Variants in TRHDE observed in about 807,000 individuals in gnomAD.
TRHDE encodes the protein thyrotropin releasing hormone degrading enzyme.
A neutral mutation model predicts 125.7 loss-of-function variants in TRHDE; 72 were observed. The observed-to-expected ratio is 0.57, with a 90% confidence interval of 0.47 to 0.70. The LOEUF is 0.70. TRHDE is among the 30% of genes least tolerant of loss of function. The pLI, the probability that TRHDE is intolerant of heterozygous loss-of-function variation, is 0.00. For synonymous variants in TRHDE, 509 were observed against 509.1 expected (o/e 1.00, Z 0.00); for missense variants, 1,110 against 1,327.1 (o/e 0.84, Z 2.54).
At chr12:72,187,658 C>T (rs1877254903) in intron 2 of TRHDE, among the ~76,000 whole-genome samples, 1 of 152,128 alleles carries the variant, frequency 6.6e-6, no homozygotes, top group South Asian at 2.1e-4. Context: ...CTTCTCTAGT[C>T]AGTATACTGA....
intron 10 of TRHDE, among the ~76,000 whole-genome samples, chr12:72,572,830 G>A (rs933819822): frequency 3.6e-4 from 55 of 151,950 alleles, no homozygotes; most frequent in Non-Finnish European, 6.9e-4. Flanking sequence ...TTAAAAACTA[G>A]ATTCAAGCAA....
At chr12:72,352,975 A>G (rs944421297) in intron 2 of TRHDE, among the ~76,000 whole-genome samples, 1 of 151,418 alleles carries the variant, frequency 6.6e-6, no homozygotes, top group African/African-American at 2.4e-5. Context: ...TTTTTAAAAA[A>G]GTAGTATGTG....
At chr12:72,657,579 G>A (rs11179307) in intron 18 of TRHDE, among the ~76,000 whole-genome samples, 22,050 of 152,144 alleles carry the variant, frequency 0.14, 2,182 homozygotes, top group East Asian at 0.54. Context: ...ACAATCACAA[G>A]TGAATTTTAT....
chr12:72,209,989 G>T (rs1028539203), intron 2 of TRHDE, among the ~76,000 whole-genome samples: 59 of 152,028 alleles, frequency 3.9e-4, no homozygotes, highest in Admixed American at 6.6e-5. Flanking sequence ...GCCTAAAAAA[G>T]AATAAATGAT....
At chr12:72,136,785 TTTTTTTATGGCATATG>T (rs1476551187) in intron 2 of TRHDE, among the ~76,000 whole-genome samples, 6 of 152,150 alleles carry the variant, frequency 3.9e-5, no homozygotes, top group Non-Finnish European at 8.8e-5. Flanking sequence ...CCAGCACCTG[TTTTTTTATGGCATATG>T]TTTTTTATGG....
intron 15 of TRHDE, among the ~76,000 whole-genome samples, chr12:72,631,087 T>G (rs1370874075): frequency 2.0e-5 from 3 of 151,318 alleles, no homozygotes; most frequent in Non-Finnish European, 4.4e-5. Context: ...GATATTATAT[T>G]TAATTTTCAT....
intron 6 of TRHDE, among the ~76,000 whole-genome samples, chr12:72,528,996 T>C (rs536221073): frequency 6.6e-6 from 1 of 152,216 alleles, no homozygotes; most frequent in East Asian, 1.9e-4. Context: ...TCATTAGATC[T>C]TCATTGTTTA....
intron 2 of TRHDE, among the ~76,000 whole-genome samples, chr12:72,251,290 C>T (rs1365030313): frequency 6.6e-6 from 1 of 152,008 alleles, no homozygotes; most frequent in African/African-American, 2.4e-5. Context: ...AAACTGCACT[C>T]TTCCGGCCCT....
At chr12:72,293,671 A>T (rs1007783644) in intron 2 of TRHDE, among the ~76,000 whole-genome samples, 6 of 152,154 alleles carry the variant, frequency 3.9e-5, no homozygotes, top group African/African-American at 1.2e-4. Flanking sequence ...GTCAATGATC[A>T]TTGCTGGTTA....
chr12:72,475,657 C>CTTTGTTCTT (rs1249617052), intron 5 of TRHDE, among the ~76,000 whole-genome samples: 1 of 152,046 alleles, frequency 6.6e-6, no homozygotes, highest in Admixed American at 6.5e-5. Context: ...GTAAATAAGA[C>CTTTGTTCTT]AACTGAGACT....
intron 2 of TRHDE, among the ~76,000 whole-genome samples, chr12:72,118,348 A>G (rs1875496912): frequency 1.3e-5 from 2 of 152,164 alleles, no homozygotes; most frequent in Admixed American, 6.5e-5. Context: ...GATACAATAT[A>G]TCACCTTGTT....
At chr12:72,227,255 G>A (rs1878146770) in intron 2 of TRHDE, among the ~76,000 whole-genome samples, 1 of 152,170 alleles carries the variant, frequency 6.6e-6, no homozygotes, top group Admixed American at 6.5e-5. Context: ...AAGGAAAGCA[G>A]TTTAATGGAC....
chr12:72,472,963 G>A, intron 4 of TRHDE, 104 bp from the exon 5 acceptor site: 1 of 900,296 alleles, frequency 1.1e-6, no homozygotes, highest in Non-Finnish European at 1.7e-6. Flanking sequence ...ACTGGGGAAT[G>A]AATTCCAGTT....
intron 2 of TRHDE, among the ~76,000 whole-genome samples, chr12:72,148,496 A>G (rs764896181): frequency 6.6e-6 from 1 of 152,216 alleles, no homozygotes; most frequent in Non-Finnish European, 1.5e-5. Flanking sequence ...AATTGGCAAC[A>G]CTTGATGGAA....
At chr12:72,271,222 G>T (rs1879195425), upstream of TRHDE, among the ~76,000 whole-genome samples, 1 of 152,124 alleles carries the variant, frequency 6.6e-6, no homozygotes, top group Non-Finnish European at 1.5e-5. Context: ...CATTATTTTA[G>T]TACTGCACAC....
chr12:72,586,972 G>A (rs559526724), intron 12 of TRHDE, among the ~76,000 whole-genome samples: 5 of 152,196 alleles, frequency 3.3e-5, no homozygotes, highest in African/African-American at 1.2e-4. Flanking sequence ...TGGGAATGCT[G>A]TCAAAAATGC....
chr12:72,322,661 C>T (rs1476972774), intron 2 of TRHDE, among the ~76,000 whole-genome samples: 3 of 152,086 alleles, frequency 2.0e-5, no homozygotes, highest in Non-Finnish European at 4.4e-5. Flanking sequence ...GTAGAAATAA[C>T]AGCTGTGAAT....
intron 12 of TRHDE, among the ~76,000 whole-genome samples, chr12:72,617,195 TAAATTATGTGAAATCTGA>T (rs1479737971): frequency 2.6e-5 from 4 of 152,156 alleles, no homozygotes; most frequent in Admixed American, 2.6e-4. Context: ...TTCAGATTTT[TAAATTATGTGAAATCTGA>T]AGTTTGCTCA....
intron 2 of TRHDE, among the ~76,000 whole-genome samples, chr12:72,302,712 C>T (rs991613519): frequency 1.3e-5 from 2 of 152,082 alleles, no homozygotes; most frequent in African/African-American, 2.4e-5. Flanking sequence ...TCTTTCTCTT[C>T]GTGGAACTTA....
Sources: gnomAD v4.1 joint callset for allele counts (sites outside exome capture counted in the v4.1 genomes callset) on GRCh38, gnomAD v4.1.1 for gene constraint, MANE v1.5 for transcripts, NCBI Gene and HGNC (gene_info 2026-07-23, HGNC 2026-07-21) for gene names.